The following ZDHHC15 variants were observed in gnomAD, a reference collection of about 807,000 sequenced individuals.
The protein encoded by ZDHHC15 is palmitoyltransferase ZDHHC15.
In ZDHHC15, 19 loss-of-function variants were observed where a neutral mutation model predicts 31.7. The ratio of observed to expected loss-of-function variants is 0.60; its 90% CI spans 0.42 to 0.88. The LOEUF (loss-of-function observed/expected upper bound fraction) is 0.88. Among genes scored for constraint, ZDHHC15 ranks in the 40% least tolerant of loss-of-function variants. The pLI is 0.00. For synonymous variants in ZDHHC15, 103 were observed against 90.0 expected (o/e 1.14, Z -0.82); for missense variants, 209 against 251.2 (o/e 0.83, Z 1.14).
chrX:75,431,532 A>G lies in ZDHHC15; in HGVS notation c.380-12T>C. 1 of 1,205,648 alleles carries G rather than the reference A, an allele frequency of 8.3e-7. No individual in the cohort carries two copies. The highest frequency in any genetic ancestry group is 1.1e-6 in the Non-Finnish European group (1 of 892,445). On this transcript the variant is annotated splice_polypyrimidine_tract_variant and intron_variant, in intron 4 of 11. Coordinates refer to ENST00000373367, the MANE Select transcript of ZDHHC15 (RefSeq NM_144969.3). ...ACAGAATCGTACAGCTATAAAAAAA[A>G]AAATAAGGTGGTTAGCACTTGTTAG...
At chrX:75,427,254 C>A (rs192216811) in intron 7 of ZDHHC15, among the ~76,000 whole-genome samples, 3 of 105,990 alleles carry the variant, frequency 2.8e-5, no homozygotes, top group Non-Finnish European at 3.9e-5. Context: ...CATTTCCTTG[C>A]CTCTCATCTG....
intron 4 of ZDHHC15, among the ~76,000 whole-genome samples, chrX:75,439,975 G>A (rs2147882341): frequency 9.0e-6 from 1 of 111,586 alleles, no homozygotes; most frequent in South Asian, 3.8e-4. Context: ...ACCGGACTCT[G>A]TGCTGGTACT....
chrX:75,503,149 A>T (rs1477445294), intron 2 of ZDHHC15, among the ~76,000 whole-genome samples: 3 of 110,708 alleles, frequency 2.7e-5, no homozygotes, highest in Non-Finnish European at 5.7e-5. Flanking sequence ...ATTAAAAAAT[A>T]AAAAAAGAGT....
At chrX:75,501,944 A>G (rs2085093836) in intron 2 of ZDHHC15, 1 of 111,892 alleles carries the variant, frequency 8.9e-6, no homozygotes, top group Non-Finnish European at 1.9e-5. Flanking sequence ...TTTGCTGTGC[A>G]GAAGCTCTTC....
chrX:75,452,805 G>A (rs2147915046), intron 3 of ZDHHC15, among the ~76,000 whole-genome samples: 1 of 111,838 alleles, frequency 8.9e-6, no homozygotes, highest in Non-Finnish European at 1.9e-5. Flanking sequence ...TGAAATGGAG[G>A]CAGAAATAAA....
chrX:75,384,475 G>C (rs1380835100), intron 10 of ZDHHC15: 1 of 748,425 alleles, frequency 1.3e-6, no homozygotes, highest in African/African-American at 2.1e-5. Context: ...AGACATCAAG[G>C]GAATGGGTAC....
intron 4 of ZDHHC15, among the ~76,000 whole-genome samples, chrX:75,444,640 GTATATATATATATATATATATATATATA>G (rs760429265): frequency 2.2e-4 from 5 of 22,733 alleles, no homozygotes; most frequent in African/African-American, 1.2e-3. Context: ...AAGCAACACT[GTATATATATATATATATATATATATATA>G]TATATATATA....
chrX:75,456,453 G>A (rs2084223934), intron 3 of ZDHHC15, among the ~76,000 whole-genome samples: 1 of 110,694 alleles, frequency 9.0e-6, no homozygotes, highest in Non-Finnish European at 1.9e-5. Flanking sequence ...ATATACATAT[G>A]TAACAAACCT....
chrX:75,399,561 G>A (rs1204628177), intron 10 of ZDHHC15, among the ~76,000 whole-genome samples: 4 of 111,200 alleles, frequency 3.6e-5, no homozygotes, highest in South Asian at 7.7e-4. Flanking sequence ...CAGGAGTCAA[G>A]TAAACGACCC....
At chrX:75,501,727 G>A (rs775235026) in intron 2 of ZDHHC15, 4 of 106,039 alleles carry the variant, frequency 3.8e-5, no homozygotes, top group Non-Finnish European at 7.8e-5. Flanking sequence ...CACATTTGTC[G>A]GCCACAGGTA....
At position 75,379,805 on chromosome X, in the gene ZDHHC15, C is replaced by T. The variant is rs191710462; in HGVS notation, c.968-607G>A. ...TTGAGATTAAAAAGTTGACAGTAGC[C>T]ATCCCCTACAGTTTCTGCACAGCAC... On this transcript the variant is annotated intron_variant, in intron 10 of 11. Coordinates refer to ENST00000373367, the MANE Select transcript of ZDHHC15 (RefSeq NM_144969.3). 3.2e-4 allele frequency among the ~76,000 whole-genome samples: 36 copies of T among 112,027 alleles called. No homozygotes were observed. In the East Asian group the frequency reaches 5.1e-3, roughly 16 times the overall value.
At chrX:75,474,561 T>TAA (rs1368510061) in intron 3 of ZDHHC15, among the ~76,000 whole-genome samples, 10 of 72,155 alleles carry the variant, frequency 1.4e-4, no homozygotes, top group African/African-American at 4.7e-4. Flanking sequence ...TATATATATA[T>TAA]AATCCCCTTT....
chrX:75,468,207 G>A (rs1242058193), intron 3 of ZDHHC15, among the ~76,000 whole-genome samples: 2 of 110,026 alleles, frequency 1.8e-5, no homozygotes, highest in Non-Finnish European at 3.8e-5. Flanking sequence ...CACCATGCCC[G>A]GCTAATTTTG....
intron 2 of ZDHHC15, among the ~76,000 whole-genome samples, chrX:75,484,653 T>G (rs749948098): frequency 9.8e-5 from 11 of 111,971 alleles, no homozygotes; most frequent in Admixed American, 1.9e-4. Context: ...GGAAAACACT[T>G]TGGCAGTTTC....
chrX:75,375,772 A>G (rs1267688167), intron 11 of ZDHHC15, among the ~76,000 whole-genome samples: 2 of 112,126 alleles, frequency 1.8e-5, no homozygotes, highest in African/African-American at 6.5e-5. Context: ...AGTATCCATC[A>G]TATACATGTA....
chrX:75,516,197 C>T (rs57574324), intron 1 of ZDHHC15, among the ~76,000 whole-genome samples: 2,401 of 111,776 alleles, frequency 0.021, 56 homozygotes, highest in African/African-American at 0.074. Context: ...CCCCATCGAG[C>T]TACCAATGAC....
At chrX:75,467,804 T>C (rs1431328493) in intron 3 of ZDHHC15, among the ~76,000 whole-genome samples, 1 of 111,620 alleles carries the variant, frequency 9.0e-6, no homozygotes, top group African/African-American at 3.3e-5. Flanking sequence ...TACAATTCAG[T>C]AGCATTTAGT....
chrX:75,500,983 G>T (rs186027953), intron 2 of ZDHHC15, among the ~76,000 whole-genome samples: 1 of 110,476 alleles, frequency 9.1e-6, no homozygotes, highest in East Asian at 2.8e-4. Flanking sequence ...TTTTATTTTC[G>T]GTTCGGGGGC....
chrX:75,458,523 C>G (rs1667417611), intron 3 of ZDHHC15, among the ~76,000 whole-genome samples: 1 of 111,422 alleles, frequency 9.0e-6, no homozygotes, highest in Admixed American at 9.6e-5. Context: ...TTAAATATAT[C>G]TAACTTAAAA....
Sources: allele counts gnomAD v4.1 joint callset (sites outside exome capture counted in the v4.1 genomes callset), GRCh38; gene constraint gnomAD v4.1.1; transcripts MANE v1.5; gene names NCBI Gene and HGNC (gene_info 2026-07-23, HGNC 2026-07-21).